LRRC4C: variants seen among roughly 807,000 people sequenced by gnomAD.
The protein encoded by LRRC4C is leucine-rich repeat-containing protein 4C.
In LRRC4C, 5 loss-of-function variants were observed where a neutral mutation model predicts 33.6. That is an observed-to-expected ratio of 0.15 (90% CI 0.08 to 0.31). The LOEUF (loss-of-function observed/expected upper bound fraction) is 0.31, where lower values mean the gene tolerates loss of function less well. Among genes scored for constraint, LRRC4C ranks in the 10% least tolerant of loss-of-function variants. The pLI, the probability that LRRC4C is intolerant of heterozygous loss-of-function variation, is 1.00. For synonymous variants in LRRC4C, 329 were observed against 302.0 expected, an observed-to-expected ratio of 1.09 and a Z score of -0.93; for missense variants, 560 against 796.7, an observed-to-expected ratio of 0.70 and a Z score of 3.58.
At chr11:41,435,302 T>C (rs975548513) in intron 1 of LRRC4C, among the ~76,000 whole-genome samples, 3 of 152,210 alleles carry the variant, frequency 2.0e-5, no homozygotes, top group African/African-American at 4.8e-5. Context: ...TTTGTGGAGA[T>C]ACAACTACTG....
chr11:40,232,742 C>T (rs1865292721), intron 5 of LRRC4C, among the ~76,000 whole-genome samples: 1 of 152,160 alleles, frequency 6.6e-6, no homozygotes, highest in Non-Finnish European at 1.5e-5. Flanking sequence ...ATCATCCCTC[C>T]TCTCATGGGA....
intron 2 of LRRC4C, among the ~76,000 whole-genome samples, chr11:40,800,281 A>G (rs1950988865): frequency 6.6e-6 from 1 of 152,230 alleles, no homozygotes; most frequent in Non-Finnish European, 1.5e-5. Flanking sequence ...CTGGCAAAAC[A>G]TGACTATTTT....
intron 1 of LRRC4C, among the ~76,000 whole-genome samples, chr11:41,170,630 TA>T (rs1363165315): frequency 6.6e-6 from 1 of 152,172 alleles, no homozygotes; most frequent in Non-Finnish European, 1.5e-5. Flanking sequence ...ACTTAAATGT[TA>T]GACCTAAAAC....
chr11:40,470,432 C>T (rs750864340), intron 3 of LRRC4C, among the ~76,000 whole-genome samples: 1 of 152,186 alleles, frequency 6.6e-6, no homozygotes, highest in Non-Finnish European at 1.5e-5. Flanking sequence ...TGAGAAAAAA[C>T]CAGCTCAAAA....
intron 5 of LRRC4C, among the ~76,000 whole-genome samples, chr11:40,156,249 C>A (rs529333670): frequency 2.6e-5 from 4 of 152,032 alleles, no homozygotes; most frequent in African/African-American, 9.7e-5. Flanking sequence ...AACATAATAC[C>A]GAATGGGGAA....
At chr11:41,400,943 A>C (rs759671714) in intron 1 of LRRC4C, among the ~76,000 whole-genome samples, 2 of 148,536 alleles carry the variant, frequency 1.3e-5, no homozygotes, top group Non-Finnish European at 2.9e-5. Context: ...CAGAGGGATG[A>C]AAATGCAACT....
At chr11:41,001,599 A>G (rs1358492456) in intron 1 of LRRC4C, among the ~76,000 whole-genome samples, 1 of 119,098 alleles carries the variant, frequency 8.4e-6, no homozygotes, top group African/African-American at 3.2e-5. Context: ...AAGCTAAGAG[A>G]ACTCTACATA....
chr11:40,936,015 T>TATATATATATATATAC (rs1957868715), intron 1 of LRRC4C, among the ~76,000 whole-genome samples: 2 of 5,652 alleles, frequency 3.5e-4, no homozygotes, highest in Non-Finnish European at 5.9e-4. Flanking sequence ...TGCCAAATTT[T>TATATATATATATATAC]ATATATATAT....
At chr11:40,783,110 A>C (rs2137293859) in intron 2 of LRRC4C, among the ~76,000 whole-genome samples, 1 of 152,166 alleles carries the variant, frequency 6.6e-6, no homozygotes, top group South Asian at 2.1e-4. Flanking sequence ...CCACCCCTTA[A>C]AAATACCACT....
At chr11:41,065,908 G>A (rs1333553587) in intron 1 of LRRC4C, among the ~76,000 whole-genome samples, 1 of 152,098 alleles carries the variant, frequency 6.6e-6, no homozygotes, top group African/African-American at 2.4e-5. Flanking sequence ...CCCATCCAAA[G>A]GTCATCAGCC....
intron 1 of LRRC4C, among the ~76,000 whole-genome samples, chr11:41,143,698 T>C (rs188946164): frequency 3.3e-4 from 50 of 152,294 alleles, no homozygotes; most frequent in Middle Eastern, 3.4e-3. Flanking sequence ...ATTTCATCCT[T>C]AGTCTGAATC....
intron 1 of LRRC4C, among the ~76,000 whole-genome samples, chr11:40,943,030 T>C (rs1323984862): frequency 6.6e-6 from 1 of 152,192 alleles, no homozygotes; most frequent in East Asian, 1.9e-4. Flanking sequence ...CCTACTTTTC[T>C]ATCTTGGCCC....
intron 2 of LRRC4C, among the ~76,000 whole-genome samples, chr11:40,766,040 C>A (rs1408377209): frequency 6.7e-6 from 1 of 149,050 alleles, no homozygotes; most frequent in Non-Finnish European, 1.5e-5. Flanking sequence ...AATAATCAAA[C>A]TCCCAAAGGT....
chr11:41,365,606 G>T, intron 1 of LRRC4C, among the ~76,000 whole-genome samples: 1 of 152,070 alleles, frequency 6.6e-6, no homozygotes, highest in African/African-American at 2.4e-5. Context: ...ATATAATCTT[G>T]TTCAAAATAG....
intron 3 of LRRC4C, among the ~76,000 whole-genome samples, chr11:40,364,924 A>G (rs958014413): frequency 1.3e-5 from 2 of 152,026 alleles, no homozygotes; most frequent in African/African-American, 4.8e-5. Context: ...ATGTATGTAA[A>G]AAAAAACCTG....
At chr11:40,578,141 G>GTCTTT (rs1958293155) in intron 3 of LRRC4C, among the ~76,000 whole-genome samples, 1 of 50,136 alleles carries the variant, frequency 2.0e-5, no homozygotes, top group Non-Finnish European at 3.7e-5. Flanking sequence ...TTTTTTTTCG[G>GTCTTT]TTTTTTTTTT....
intron 1 of LRRC4C, among the ~76,000 whole-genome samples, chr11:41,361,520 A>G (rs1952355261): frequency 6.6e-6 from 1 of 152,174 alleles, no homozygotes; most frequent in Admixed American, 6.5e-5. Context: ...TAAGCATTCT[A>G]TTTATTCAGA....
At chr11:40,694,755 G>A (rs1945405440) in intron 2 of LRRC4C, among the ~76,000 whole-genome samples, 1 of 152,090 alleles carries the variant, frequency 6.6e-6, no homozygotes, top group Non-Finnish European at 1.5e-5. Context: ...ATACATTGCA[G>A]CACAGAAAAA....
At chr11:40,514,663 C>A (rs1955489190) in intron 3 of LRRC4C, among the ~76,000 whole-genome samples, 1 of 152,024 alleles carries the variant, frequency 6.6e-6, no homozygotes, top group Non-Finnish European at 1.5e-5. Flanking sequence ...CATCTATTGT[C>A]TTCTTTGCAT....
Sources: allele counts gnomAD v4.1 joint callset (sites outside exome capture counted in the v4.1 genomes callset), GRCh38; gene constraint gnomAD v4.1.1; transcripts MANE v1.5; gene names NCBI Gene and HGNC (gene_info 2026-07-23, HGNC 2026-07-21).